FXYD6: variants seen among roughly 807,000 people sequenced by gnomAD.
The protein encoded by FXYD6 is FXYD domain-containing ion transport regulator 6.
Under a neutral mutation model 16.7 loss-of-function variants are expected in FXYD6, and 7 were observed. The ratio of observed to expected loss-of-function variants is 0.42; its 90% CI spans 0.24 to 0.79. The LOEUF (loss-of-function observed/expected upper bound fraction) is 0.79, where lower values mean the gene tolerates loss of function less well. Among genes scored for constraint, FXYD6 ranks in the 30% least tolerant of loss-of-function variants. FXYD6 has a pLI of 0.28. For missense variants in FXYD6, 111 were observed against 116.2 expected, an observed-to-expected ratio of 0.95 and a Z score of 0.21; for synonymous variants, 49 against 43.0, an observed-to-expected ratio of 1.14 and a Z score of -0.54.
rs901659156 is a variant in FXYD6 at position 117,870,237 on chromosome 11, C to T, written c.-6+6355G>A. 1.1e-4 allele frequency among the ~76,000 whole-genome samples: 16 copies of T among 152,240 alleles called. No individual in the cohort carries two copies. Among genetic ancestry groups the T allele is most frequent in the Admixed American group, 9.2e-4 (14 of 15,286 alleles). On this transcript the variant is annotated intron_variant, in intron 1 of 7. Coordinates refer to ENST00000526014, the MANE Select transcript of FXYD6 (RefSeq NM_022003.4). This position sits in a 1 kb window ranked among gnomAD's most constrained non-coding sequence, Gnocchi z 4.2. ...TGCCTGCCAGCACAGGGGCTGAGGC[C>T]CCTCTGGTTCCCCAGGAGATCTCGG...
chr11:117,868,359 G>T (rs993176747), intron 1 of FXYD6, among the ~76,000 whole-genome samples: 1 of 152,148 alleles, frequency 6.6e-6, no homozygotes, highest in Non-Finnish European at 1.5e-5. Context: ...GTATCGTCTT[G>T]GTGTGATGTG....
chr11:117,858,632 T>TTTCTTTCTTTCCTTCTTTCC (rs1565323143), intron 1 of FXYD6, among the ~76,000 whole-genome samples: 2 of 20,056 alleles, frequency 1.0e-4, no homozygotes, highest in African/African-American at 4.4e-4. Flanking sequence ...CATTTTCTTT[T>TTTCTTTCTTTCCTTCTTTCC]TTCTTTCTTT....
chr11:117,839,607 C>T, intron 7 of FXYD6, 174 bp downstream of exon 7: 1 of 676,744 alleles, frequency 1.5e-6, no homozygotes. Context: ...GTTTCTAGTC[C>T]TGGTCTCTCT....
chr11:117,876,755 C>CGG (rs1247342169), upstream of FXYD6: 39 of 67,962 alleles, frequency 5.7e-4, 1 homozygote, highest in South Asian at 1.7e-3. Flanking sequence ...CCTGCGGGGG[C>CGG]GGGGGGGGGG....
intron 1 of FXYD6, among the ~76,000 whole-genome samples, chr11:117,869,999 G>C (rs780602728): frequency 2.0e-5 from 3 of 152,218 alleles, no homozygotes; most frequent in Non-Finnish European, 4.4e-5. Context: ...CTGGGCCCCA[G>C]CCTGGTCCGT....
At chr11:117,871,062 T>C (rs1322928823) in intron 1 of FXYD6, among the ~76,000 whole-genome samples, 1 of 152,198 alleles carries the variant, frequency 6.6e-6, no homozygotes, top group African/African-American at 2.4e-5. Flanking sequence ...CCTTCCTCCA[T>C]TGCCTCATTT....
At position 117,842,276 on chromosome 11, in the gene FXYD6, C is replaced by A. The variant is rs560521218; in HGVS notation, c.59-248G>T. On this transcript the variant is annotated intron_variant, in intron 2 of 7. Coordinates refer to ENST00000526014, the MANE Select transcript of FXYD6 (RefSeq NM_022003.4). ...CTCTGAGTCATGCAACACCCACATT[C>A]ATTGCCCCTTTGTATTCTTACATCA... 667 of 598,478 alleles carry A rather than the reference C, an allele frequency of 1.1e-3. 1 individual carries two copies. The highest frequency in any genetic ancestry group is 1.6e-3 in the Non-Finnish European group (542 of 338,216). 37.1% of individuals were successfully genotyped at this position (598,478 alleles called of 1,614,324 possible). A position where few individuals can be genotyped will look rare whatever the true frequency, so the allele number is the denominator to read the frequency against.
Position 117,872,737 on chromosome 11 carries a change from C to G in FXYD6, c.-6+3855G>C, listed in dbSNP as rs1321356825. Among the ~76,000 whole-genome samples the G allele has an allele frequency of 6.6e-6, 1 of 152,152 alleles. No individual in the cohort carries two copies. Among genetic ancestry groups the G allele is most frequent in the East Asian group, 1.9e-4 (1 of 5,180 alleles). ...CTCCCTCCCACATCTTTGTAACAAA[C>G]ATGTTCCTGCGCAGCCTACAAGCTG... On this transcript the variant is annotated intron_variant, in intron 1 of 7. Coordinates refer to ENST00000526014, the MANE Select transcript of FXYD6 (RefSeq NM_022003.4). This position sits in a 1 kb window ranked among gnomAD's most constrained non-coding sequence, Gnocchi z 4.9.
At chr11:117,840,869 CAAGGGCCTCCAGAA>C (rs1437487924) in intron 5 of FXYD6, among the ~76,000 whole-genome samples, 1 of 152,060 alleles carries the variant, frequency 6.6e-6, no homozygotes, top group Non-Finnish European at 1.5e-5. Context: ...TCAACTGTCC[CAAGGGCCTCCAGAA>C]AAGGTTCCAG....
At position 117,872,275 on chromosome 11, in the gene FXYD6, C is replaced by T. The variant is rs551088708; in HGVS notation, c.-6+4317G>A. On this transcript the variant is annotated intron_variant, in intron 1 of 7. Transcript: ENST00000526014. The surrounding 1 kb of genome is among the most constrained non-coding windows in gnomAD (Gnocchi z 4.9). ...GATTATATATGTGTGAGGAAGGGAA[C>T]GTGTGTGAGAGTGTAAGTGCACCCG... Among the ~76,000 whole-genome samples, 3 of 152,124 alleles carry T rather than the reference C, an allele frequency of 2.0e-5. No individual in the cohort carries two copies. The highest frequency in any genetic ancestry group is 1.9e-4 in the East Asian group (1 of 5,180).
intron 1 of FXYD6, among the ~76,000 whole-genome samples, chr11:117,854,785 G>T (rs1038382997): frequency 1.3e-5 from 2 of 152,230 alleles, no homozygotes; most frequent in African/African-American, 4.8e-5. Flanking sequence ...GGGAAGGAAA[G>T]AGCAGAGGAA....
intron 7 of FXYD6, chr11:117,839,399 A>G (rs2056282388): frequency 4.0e-6 from 1 of 251,480 alleles, no homozygotes; most frequent in African/African-American, 2.2e-5. Context: ...GGTGTTTAAA[A>G]AAACAAGTGG....
At position 117,864,384 on chromosome 11, in the gene FXYD6, T is replaced by A. The variant is rs76845454; in HGVS notation, c.-6+12208A>T. Among the ~76,000 whole-genome samples, 254 of 152,304 alleles carry A rather than the reference T, an allele frequency of 1.7e-3. 6 individuals carry two copies. The East Asian group carries it at 0.039, about 23-fold the overall frequency. The stretch of plus-strand genomic sequence containing the variant: ...AAGTAAGTGCCAGGAAAACCAGATG[T>A]ACACATGCAAAAGAATAAAGGTAGA... On this transcript the variant is annotated intron_variant, in intron 1 of 7. Coordinates refer to ENST00000526014, the MANE Select transcript of FXYD6 (RefSeq NM_022003.4).
At chr11:117,842,622 C>T (rs769362754) in intron 2 of FXYD6, 97 bp downstream of exon 2, 35 of 1,271,866 alleles carry the variant, frequency 2.8e-5, no homozygotes, top group Non-Finnish European at 3.7e-5. Context: ...GTGAGAGTCC[C>T]CCAGCCCTAA....
rs185635061 is a variant in FXYD6, at chr11:117,839,570, C to T, written c.*21+211G>A. 17 of 537,674 alleles carry T rather than the reference C, an allele frequency of 3.2e-5. No homozygotes were observed. In the African/African-American group the frequency reaches 3.2e-4, roughly 10 times the overall value. 33.3% of individuals were successfully genotyped at this position (537,674 alleles called of 1,614,324 possible). ...TGGAAGCCCCATTTCCTGGTGTTGG[C>T]ATGCATGTGTGTGGGACACTTCGGG... On this transcript the variant is annotated intron_variant, in intron 7 of 7. Transcript: ENST00000526014.
At chr11:117,871,396 C>A (rs1002463229) in intron 1 of FXYD6, among the ~76,000 whole-genome samples, 1 of 151,508 alleles carries the variant, frequency 6.6e-6, no homozygotes, top group Admixed American at 6.6e-5. Context: ...ACGTGTCTGA[C>A]ACTGTGCCAG....
intron 1 of FXYD6, among the ~76,000 whole-genome samples, chr11:117,864,882 G>A (rs1253024232): frequency 6.6e-6 from 1 of 152,128 alleles, no homozygotes; most frequent in East Asian, 1.9e-4. Flanking sequence ...ACCGCGTCTG[G>A]CCGAAAAATT....
intron 1 of FXYD6, among the ~76,000 whole-genome samples, chr11:117,859,564 G>A (rs978891232): frequency 3.3e-5 from 5 of 152,192 alleles, no homozygotes; most frequent in Non-Finnish European, 7.3e-5. Context: ...TGCTTTAAAT[G>A]CTTATTCTCA....
chr11:117,847,259 A>T (rs1244257331), intron 1 of FXYD6, among the ~76,000 whole-genome samples: 2 of 152,150 alleles, frequency 1.3e-5, no homozygotes, highest in Admixed American at 1.3e-4. Flanking sequence ...TTACCTAGAA[A>T]TGCCTTTGGG....
Sources: allele counts gnomAD v4.1 joint callset (sites outside exome capture counted in the v4.1 genomes callset), GRCh38; gene constraint gnomAD v4.1.1; non-coding constraint Gnocchi (gnomAD v3.1); transcripts MANE v1.5; gene names NCBI Gene and HGNC (gene_info 2026-07-23, HGNC 2026-07-21).